Variants in MAPRE2 observed in about 807,000 individuals in gnomAD.
MAPRE2 encodes microtubule associated protein RP/EB family member 2, also known as microtubule-associated protein RP/EB family member 2.
Under a neutral mutation model 43.2 loss-of-function variants are expected in MAPRE2, and 13 were observed. That is an observed-to-expected ratio of 0.30 (90% CI 0.20 to 0.48). The LOEUF is 0.48. MAPRE2 is among the 20% of genes least tolerant of loss of function. MAPRE2 has a pLI of 0.99. For synonymous variants in MAPRE2, 135 were observed against 148.8 expected (o/e 0.91, Z 0.68); for missense variants, 161 against 400.2 (o/e 0.40, Z 5.10).
chr18:35,097,895 G>A (rs1036821744), intron 3 of MAPRE2, among the ~76,000 whole-genome samples: 1 of 152,168 alleles, frequency 6.6e-6, no homozygotes, highest in African/African-American at 2.4e-5. Context: ...TGCCACTGTG[G>A]TTCTTTGTAT....
chr18:35,019,526 G>T (rs2097040664), intron 2 of MAPRE2, among the ~76,000 whole-genome samples: 1 of 151,924 alleles, frequency 6.6e-6, no homozygotes, highest in Non-Finnish European at 1.5e-5. Flanking sequence ...TTATCATGTG[G>T]CTAGTTTTAT....
At chr18:35,018,470 CT>C (rs34138902) in intron 2 of MAPRE2, among the ~76,000 whole-genome samples, 20 of 147,266 alleles carry the variant, frequency 1.4e-4, no homozygotes, top group South Asian at 2.1e-4. Context: ...TTGTTTTGGT[CT>C]TTTTTTTTTT....
At chr18:35,016,447 T>C (rs1426019937) in intron 2 of MAPRE2, among the ~76,000 whole-genome samples, 2 of 152,128 alleles carry the variant, frequency 1.3e-5, no homozygotes, top group Admixed American at 6.6e-5. Flanking sequence ...CATTCCCTTT[T>C]CTCGACATCC....
chr18:35,094,723 G>A (rs973874009), intron 2 of MAPRE2, among the ~76,000 whole-genome samples: 4 of 152,166 alleles, frequency 2.6e-5, no homozygotes, highest in African/African-American at 9.7e-5. Flanking sequence ...AGGAACCAAA[G>A]GATGCTAAGG....
chr18:35,133,975 A>G (rs1910278695), intron 6 of MAPRE2, among the ~76,000 whole-genome samples: 1 of 152,236 alleles, frequency 6.6e-6, no homozygotes, highest in Admixed American at 6.5e-5. Context: ...ATGTACATGC[A>G]ACTAAAATGC....
At chr18:35,110,626 G>A (rs1394723248) in intron 4 of MAPRE2, among the ~76,000 whole-genome samples, 1 of 152,060 alleles carries the variant, frequency 6.6e-6, no homozygotes, top group Non-Finnish European at 1.5e-5. Flanking sequence ...TTATCCTGCA[G>A]GTCCAGTGGC....
At chr18:35,076,595 T>C (rs1167086406) in intron 2 of MAPRE2, among the ~76,000 whole-genome samples, 5 of 152,192 alleles carry the variant, frequency 3.3e-5, no homozygotes, top group Admixed American at 1.3e-4. Flanking sequence ...GGCCTTTGTC[T>C]TATGACACAG....
intron 2 of MAPRE2, among the ~76,000 whole-genome samples, chr18:35,012,816 G>T (rs1421407031): frequency 2.0e-5 from 3 of 152,144 alleles, no homozygotes; most frequent in Non-Finnish European, 2.9e-5. Context: ...TTCTGGAGAA[G>T]GATGGTGGTG....
chr18:35,066,888 G>A (rs1167735949), intron 1 of MAPRE2, among the ~76,000 whole-genome samples: 1 of 152,196 alleles, frequency 6.6e-6, no homozygotes, highest in Non-Finnish European at 1.5e-5. Context: ...GAGGAAGATC[G>A]ATTATAAGAA....
At chr18:34,978,529 C>T in intron 1 of MAPRE2, 3 of 1,551,662 alleles carry the variant, frequency 1.9e-6, no homozygotes, top group Non-Finnish European at 2.6e-6. Flanking sequence ...TGAAACAGAA[C>T]AGAGATCAAA....
At chr18:34,989,307 T>C (rs1450246411) in intron 1 of MAPRE2, among the ~76,000 whole-genome samples, 1 of 152,230 alleles carries the variant, frequency 6.6e-6, no homozygotes, top group Non-Finnish European at 1.5e-5. Context: ...TCCAGCTTAA[T>C]GTCTCTAGCT....
intron 1 of MAPRE2, among the ~76,000 whole-genome samples, chr18:34,996,020 G>T (rs601444): frequency 6.6e-6 from 1 of 152,122 alleles, no homozygotes; most frequent in East Asian, 1.9e-4. Context: ...TCAGGAAAGC[G>T]CTGTCACAGA....
chr18:35,109,439 G>A (rs1035785329), intron 4 of MAPRE2, among the ~76,000 whole-genome samples: 6 of 152,162 alleles, frequency 3.9e-5, no homozygotes, highest in African/African-American at 1.4e-4. Context: ...TGGCTATACA[G>A]GGTCTTCTTT....
At position 35,005,418 on chromosome 18, in the gene MAPRE2, A is replaced by G. The variant is rs991827420; in HGVS notation, c.-69-74A>G. 4.8e-5 allele frequency: 45 copies of G among 947,292 alleles called. No homozygotes were observed. The Admixed American group carries it at 1.1e-3, about 24-fold the overall frequency. 58.7% of individuals were successfully genotyped at this position (947,292 alleles called of 1,614,324 possible). On this transcript the variant is annotated intron_variant, in intron 1 of 7. Transcript: ENST00000413393. ...CTGGCCACACCCACTAAACTAAATTATAACTCTTTGCTTCCATATTTTCAT... is the reference window on the plus strand; with the variant it reads ...CTGGCCACACCCACTAAACTAAATTGTAACTCTTTGCTTCCATATTTTCAT...
intron 1 of MAPRE2, among the ~76,000 whole-genome samples, chr18:34,985,338 A>ATATTTT (rs1413375108): frequency 3.7e-5 from 1 of 27,068 alleles, no homozygotes; most frequent in African/African-American, 1.3e-4. Context: ...TATAATATAT[A>ATATTTT]ATATATTATA....
intron 2 of MAPRE2, among the ~76,000 whole-genome samples, chr18:35,028,440 A>G (rs1753616402): frequency 1.3e-5 from 2 of 152,244 alleles, no homozygotes; most frequent in Admixed American, 1.3e-4. Flanking sequence ...TATGCAAAAT[A>G]TAGTAAATAT....
In MAPRE2 at chr18:35,140,433, CAT is replaced by C. The variant is rs1316893500; in HGVS notation, c.*65_*66del. The C allele has an allele frequency of 6.9e-6, 10 of 1,450,708 alleles. No individual in the cohort carries two copies. The highest frequency in any genetic ancestry group is 9.5e-6 in the Non-Finnish European group (10 of 1,057,692). 89.9% of individuals were successfully genotyped at this position (1,450,708 alleles called of 1,614,324 possible). A position where few individuals can be genotyped will look rare whatever the true frequency, so the allele number is the denominator to read the frequency against. On this transcript the variant is annotated 3_prime_UTR_variant, in exon 7 of 7. Coordinates refer to ENST00000300249, the MANE Select transcript of MAPRE2 (RefSeq NM_014268.4). ...GAACGTTTCTTCTGGAGAATTGGAA[CAT>C]GTGTGGCCCCAAGCTCAACAGAAAC...
At chr18:34,992,631 AT>A (rs1198589933) in intron 1 of MAPRE2, among the ~76,000 whole-genome samples, 16 of 152,242 alleles carry the variant, frequency 1.1e-4, no homozygotes, top group Admixed American at 2.0e-4. Flanking sequence ...TGGGAACTAT[AT>A]TTTTTTCCTT....
chr18:35,010,648 C>T (rs2097034111), intron 2 of MAPRE2, among the ~76,000 whole-genome samples: 1 of 152,146 alleles, frequency 6.6e-6, no homozygotes, highest in East Asian at 1.9e-4. Flanking sequence ...CATTTATAAA[C>T]TGTGGTGCAG....
Sources: allele counts gnomAD v4.1 joint callset (sites outside exome capture counted in the v4.1 genomes callset), GRCh38; gene constraint gnomAD v4.1.1; transcripts MANE v1.5; gene names NCBI Gene and HGNC (gene_info 2026-07-23, HGNC 2026-07-21).